ZFHX3: variants seen among roughly 807,000 people sequenced by gnomAD.
The protein encoded by ZFHX3 is zinc finger homeobox 3, also known as zinc finger homeobox protein 3.
Under a neutral mutation model 279.1 loss-of-function variants are expected in ZFHX3, and 42 were observed. That is an observed-to-expected ratio of 0.15 (90% CI 0.12 to 0.19). The LOEUF is 0.19. Ranked by LOEUF, ZFHX3 falls within the 10% of genes least tolerant of loss-of-function variation. The pLI is 1.00. For missense variants in ZFHX3, 4,981 were observed against 4,754.0 expected (o/e 1.05, Z -1.40); for synonymous variants, 2,293 against 1,957.8 (o/e 1.17, Z -4.52).
At chr16:73,797,890 C>A (rs1251584276) in intron 1 of ZFHX3, among the ~76,000 whole-genome samples, 2 of 140,626 alleles carry the variant, frequency 1.4e-5, no homozygotes, top group African/African-American at 5.4e-5. Flanking sequence ...TCTTGGCTCA[C>A]TCAACCTCTT....
intron 3 of ZFHX3, among the ~76,000 whole-genome samples, chr16:73,450,319 C>T (rs1295593403): frequency 1.3e-5 from 2 of 152,126 alleles, no homozygotes; most frequent in Non-Finnish European, 2.9e-5. Context: ...TTTTCTTTCA[C>T]GTATTCATGG....
chr16:73,147,157 G>A (rs1966867387), intron 5 of ZFHX3, among the ~76,000 whole-genome samples: 1 of 152,148 alleles, frequency 6.6e-6, no homozygotes, highest in South Asian at 2.1e-4. Flanking sequence ...TGGCATATGG[G>A]GAGACGTTGG....
At chr16:73,664,628 C>T (rs2052816958) in intron 2 of ZFHX3, among the ~76,000 whole-genome samples, 1 of 152,166 alleles carries the variant, frequency 6.6e-6, no homozygotes, top group Non-Finnish European at 1.5e-5. Context: ...CATATTCATT[C>T]ATCTACCAAG....
At chr16:73,146,578 C>T (rs907504097) in intron 5 of ZFHX3, among the ~76,000 whole-genome samples, 3 of 152,146 alleles carry the variant, frequency 2.0e-5, no homozygotes, top group Non-Finnish European at 2.9e-5. Flanking sequence ...AGGTTATTCT[C>T]CTCTTGAGTT....
intron 2 of ZFHX3, among the ~76,000 whole-genome samples, chr16:72,956,984 T>C (rs545670758): frequency 6.6e-6 from 1 of 152,354 alleles, no homozygotes; most frequent in South Asian, 2.1e-4. Flanking sequence ...ATTAAGATGA[T>C]TGTCTCTACT....
At chr16:72,954,425 G>A (rs1423936667) in intron 2 of ZFHX3, among the ~76,000 whole-genome samples, 1 of 152,110 alleles carries the variant, frequency 6.6e-6, no homozygotes, top group African/African-American at 2.4e-5. Context: ...GAGCCACACT[G>A]GATACGTGGT....
Position 72,860,450 on chromosome 16 carries a change from A to ATC in ZFHX3, c.3448+29280_3448+29281insGA, listed in dbSNP as rs1491438034. Among the ~76,000 whole-genome samples the ATC allele has an allele frequency of 3.9e-5, 6 of 152,184 alleles. No homozygotes were observed. In the South Asian group the frequency reaches 8.3e-4, roughly 21 times the overall value. On this transcript the variant is annotated intron_variant, in intron 4 of 9. Coordinates refer to ENST00000268489, the MANE Select transcript of ZFHX3 (RefSeq NM_006885.4). Reference sequence around the variant, plus strand: ...TTACAAACTTTTTACTTTTTGAGACAGAGTCTCACTCACTCTGTTGCCCAG... The same window carrying ATC: ...TTACAAACTTTTTACTTTTTGAGACATCGAGTCTCACTCACTCTGTTGCCCAG...
chr16:73,086,858 A>G (rs2144772178), intron 8 of ZFHX3, among the ~76,000 whole-genome samples: 1 of 152,252 alleles, frequency 6.6e-6, no homozygotes, highest in Non-Finnish European at 1.5e-5. Context: ...AGCTGTGATG[A>G]CACCACTGCA....
intron 5 of ZFHX3, among the ~76,000 whole-genome samples, chr16:73,146,857 A>G (rs1362429648): frequency 2.0e-5 from 3 of 152,060 alleles, no homozygotes; most frequent in Non-Finnish European, 4.4e-5. Flanking sequence ...GAATTTCGCC[A>G]TGTTGCCCAG....
intron 7 of ZFHX3, among the ~76,000 whole-genome samples, chr16:72,803,867 G>A (rs1235893651): frequency 6.6e-6 from 1 of 152,172 alleles, no homozygotes; most frequent in Admixed American, 6.5e-5. Context: ...CTCAAGGTTG[G>A]CCTCTGCCAT....
At chr16:73,777,624 T>C (rs893382107) in intron 1 of ZFHX3, among the ~76,000 whole-genome samples, 2 of 152,098 alleles carry the variant, frequency 1.3e-5, no homozygotes, top group Non-Finnish European at 2.9e-5. Context: ...TCTTTTTTTC[T>C]CCGTGCATCT....
At chr16:73,870,298 A>G (rs940486090) in intron 1 of ZFHX3, among the ~76,000 whole-genome samples, 1 of 152,172 alleles carries the variant, frequency 6.6e-6, no homozygotes, top group Non-Finnish European at 1.5e-5. Context: ...TTCCATCTCA[A>G]CTAGCAAGCC....
chr16:73,183,852 G>A (rs1303911505), intron 5 of ZFHX3, among the ~76,000 whole-genome samples: 8 of 151,786 alleles, frequency 5.3e-5, no homozygotes, highest in Non-Finnish European at 8.8e-5. Context: ...GAACCGTGGG[G>A]GCGCTCTGAT....
At position 72,958,376 on chromosome 16, in the gene ZFHX3, G is replaced by C; in HGVS notation, c.1770C>G (p.Phe590Leu). 6.2e-7 allele frequency: 1 copy of C among 1,614,130 alleles called. No individual in the cohort carries two copies. Among genetic ancestry groups the C allele is most frequent in the South Asian group, 1.1e-5 (1 of 91,074 alleles). ...TGTCTTTATTGGCACTTTCGTCAGC[G>C]AAGTCCAGCCTCCTGCCGCCCTCTG... ...NVAEGGRRLD[F>L]ADESANKDNA... The change falls in exon 2 of 10, where the codon TTC becomes TTG. Residue 590 changes from phenylalanine to leucine, a missense_variant. Physicochemically the swap from Phe to Leu is conservative, Grantham distance 22. This residue lies in a region of ZFHX3 where 1,068 missense variants were observed against 935.2 expected (regional missense o/e 1.14). Coordinates refer to ENST00000268489, the MANE Select transcript of ZFHX3 (RefSeq NM_006885.4).
intron 4 of ZFHX3, among the ~76,000 whole-genome samples, chr16:73,301,220 C>T (rs1567444240): frequency 6.6e-6 from 1 of 152,180 alleles, no homozygotes; most frequent in Non-Finnish European, 1.5e-5. Flanking sequence ...GACATAAGGA[C>T]ATCCTTTGTC....
At chr16:73,138,888 A>G (rs1332420850) in intron 6 of ZFHX3, among the ~76,000 whole-genome samples, 1 of 152,240 alleles carries the variant, frequency 6.6e-6, no homozygotes, top group East Asian at 1.9e-4. Flanking sequence ...ACAGAGTCTC[A>G]CTGTGTTGCC....
chr16:73,515,495 GGA>G (rs1262114721), intron 2 of ZFHX3, among the ~76,000 whole-genome samples: 1 of 150,546 alleles, frequency 6.6e-6, no homozygotes, highest in Admixed American at 6.7e-5. Context: ...GAAACAGAGA[GGA>G]GAGAGAGAAA....
At chr16:73,863,161 G>A (rs1282547456) in intron 1 of ZFHX3, among the ~76,000 whole-genome samples, 6 of 152,172 alleles carry the variant, frequency 3.9e-5, no homozygotes, top group South Asian at 2.1e-4. Context: ...AGCGGAGATC[G>A]TGCCAATGCA....
At chr16:72,839,760 G>A (rs2037298059) in intron 4 of ZFHX3, among the ~76,000 whole-genome samples, 1 of 151,968 alleles carries the variant, frequency 6.6e-6, no homozygotes, top group African/African-American at 2.4e-5. Context: ...TCAGAATTGG[G>A]GGTTCATGAC....
Sources: allele counts gnomAD v4.1 joint callset (sites outside exome capture counted in the v4.1 genomes callset), GRCh38; gene constraint gnomAD v4.1.1; regional missense constraint gnomAD v4.1.1; transcripts MANE v1.5; gene names NCBI Gene and HGNC (gene_info 2026-07-23, HGNC 2026-07-21).